The following CYP20A1 variants were observed in gnomAD, a reference collection of about 807,000 sequenced individuals.
CYP20A1 encodes cytochrome P450 family 20 subfamily A member 1, also known as cytochrome P450 20A1.
A neutral mutation model predicts 61.4 loss-of-function variants in CYP20A1; 61 were observed. The observed-to-expected ratio is 0.99, with a 90% CI of 0.81 to 1.23. The LOEUF is 1.23. Among genes scored for constraint, CYP20A1 ranks in the 50% most tolerant of loss-of-function variants. The probability of loss-of-function intolerance (pLI) is 0.00; values close to 1 mark genes in which losing one functional copy is unlikely to be tolerated. For missense variants in CYP20A1, 530 were observed against 542.4 expected (o/e 0.98, Z 0.23); for synonymous variants, 193 against 188.2 (o/e 1.03, Z -0.21).
chr2:203,292,092 C>G (rs72938361), intron 10 of CYP20A1, among the ~76,000 whole-genome samples, 170 bp from the exon 11 acceptor site: 7,480 of 152,130 alleles, frequency 0.049, 248 homozygotes, highest in Non-Finnish European at 0.077. Flanking sequence ...TTAGGGAGGC[C>G]TTCCTCATTG....
At chr2:203,251,186 T>C (rs935276247) in intron 3 of CYP20A1, among the ~76,000 whole-genome samples, 10 of 150,124 alleles carry the variant, frequency 6.7e-5, no homozygotes, top group African/African-American at 2.2e-4. Flanking sequence ...ACAATGACAG[T>C]GTATCTTTGT....
Position 203,285,607 on chromosome 2 carries a change from C to T in CYP20A1, c.851-5C>T, listed in dbSNP as rs1227160129. ...TCATTGTTATTCATATAATGTTTGA[C>T]CTAGTGTGTACCTGGGCAATCTGTT... is the stretch of plus-strand genomic sequence containing the variant. On this transcript the variant is annotated splice_polypyrimidine_tract_variant and splice_region_variant and intron_variant, in intron 8 of 12. Coordinates refer to ENST00000356079, the MANE Select transcript of CYP20A1 (RefSeq NM_177538.3). The T allele has an allele frequency of 6.4e-7, 1 of 1,568,682 alleles. No homozygotes were observed. Among genetic ancestry groups the T allele is most frequent in the Non-Finnish European group, 8.6e-7 (1 of 1,166,368 alleles).
intron 10 of CYP20A1, 74 bp downstream of exon 10, chr2:203,289,950 A>G (rs967022858): frequency 2.3e-5 from 14 of 616,676 alleles, no homozygotes; most frequent in South Asian, 3.6e-5. Flanking sequence ...GTATATATAT[A>G]TATATTTTAG....
chr2:203,242,772 C>CA (rs1418882266), intron 1 of CYP20A1, among the ~76,000 whole-genome samples: 1 of 150,598 alleles, frequency 6.6e-6, no homozygotes, highest in Non-Finnish European at 1.5e-5. Flanking sequence ...GACTGGGTGA[C>CA]AGAGTGAGAC....
Position 203,292,264 on chromosome 2 carries a change from C to G in CYP20A1, c.1086C>G (p.Thr362=), listed in dbSNP as rs2068569416. 1.9e-6 allele frequency: 3 copies of G among 1,609,096 alleles called. No homozygotes were observed. Among genetic ancestry groups the G allele is most frequent in the Admixed American group, 1.7e-5 (1 of 59,592 alleles). Residue 362 remains threonine, a splice_region_variant and synonymous_variant, in exon 11 of 13, where the codon ACC becomes ACG. Transcript: ENST00000356079. ...KIDRFIIPRE[T]LVLYALGVVL... The stretch of plus-strand genomic sequence containing the variant: ...AATTGGATTTTTTTTTTTCACAGAC[C>G]CTCGTCCTTTATGCCCTTGGTGTGG...
In CYP20A1 at chr2:203,272,720, C is replaced by T. The variant is rs2067654519; in HGVS notation, c.651C>T (p.Asn217=). 6.2e-7 allele frequency: 1 copy of T among 1,604,136 alleles called. No individual in the cohort carries two copies. The highest frequency in any genetic ancestry group is 1.3e-5 in the African/African-American group (1 of 74,240). The stretch of plus-strand genomic sequence containing the variant: ...TTCTAGATGGGTCACTTGATAAAAA[C>T]ATGACTCGGAAAAAACAATATGAAG... ...KGFLDGSLDK[N]MTRKKQYEDA... The change falls in exon 6 of 13, where the codon AAC becomes AAT. Residue 217 remains asparagine (N), a synonymous_variant. Coordinates refer to ENST00000356079, the MANE Select transcript of CYP20A1 (RefSeq NM_177538.3).
intron 1 of CYP20A1, among the ~76,000 whole-genome samples, chr2:203,239,375 A>G (rs1279530330): frequency 6.6e-6 from 1 of 151,822 alleles, no homozygotes; most frequent in Non-Finnish European, 1.5e-5. Context: ...GCGGGCGTAG[A>G]GCTGCTGAGG....
At chr2:203,266,392 C>A in intron 4 of CYP20A1, 122 bp from the exon 5 acceptor site, 1 of 802,970 alleles carries the variant, frequency 1.2e-6, no homozygotes. Context: ...CAGATTCGTA[C>A]CTGAATGTTG....
chr2:203,285,896 A>C (rs1441079969), intron 9 of CYP20A1, among the ~76,000 whole-genome samples, 164 bp downstream of exon 9: 2 of 152,188 alleles, frequency 1.3e-5, no homozygotes, highest in Non-Finnish European at 2.9e-5. Context: ...TTAAAATCAT[A>C]AGGTTGTGTG....
chr2:203,271,082 A>ATATATTTTTTT (rs1178482961), intron 5 of CYP20A1, among the ~76,000 whole-genome samples: 1 of 31,632 alleles, frequency 3.2e-5, no homozygotes, highest in Non-Finnish European at 5.8e-5. Flanking sequence ...ATATATATAT[A>ATATATTTTTTT]TTTTTTTTTT....
intron 6 of CYP20A1, 58 bp downstream of exon 6, chr2:203,272,806 ATAAAG>A (rs1199133685): frequency 1.9e-6 from 2 of 1,054,810 alleles, no homozygotes; most frequent in Non-Finnish European, 2.8e-6. Context: ...CCCAGTTTTA[ATAAAG>A]TAATCTCTGA....
intron 9 of CYP20A1, among the ~76,000 whole-genome samples, chr2:203,287,831 G>C (rs1172609889): frequency 6.6e-6 from 1 of 151,960 alleles, no homozygotes; most frequent in African/African-American, 2.4e-5. Flanking sequence ...TTTCAGTTTA[G>C]CTCTACTCAA....
Position 203,246,830 on chromosome 2 carries a change from G to T in CYP20A1, c.198G>T (p.Gly66=). The T allele has an allele frequency of 6.2e-7, 1 of 1,614,120 alleles. No individual in the cohort carries two copies. Among genetic ancestry groups the T allele is most frequent in the Non-Finnish European group, 8.5e-7 (1 of 1,179,998 alleles). The change falls in exon 3 of 13, where the codon GGG becomes GGT. Residue 66 remains glycine (G), a synonymous_variant. Coordinates refer to ENST00000356079, the MANE Select transcript of CYP20A1 (RefSeq NM_177538.3). The part of the protein sequence containing the change: ...EFLVNLHERY[G]PVVSFWFGRR... Reference sequence around the variant, plus strand: ...TGGTTAATTTGCATGAGAGATATGGGCCTGTGGTCTCCTTCTGGTTTGGCA... The same window carrying T: ...TGGTTAATTTGCATGAGAGATATGGTCCTGTGGTCTCCTTCTGGTTTGGCA...
At chr2:203,264,787 T>G (rs1415233049) in intron 4 of CYP20A1, among the ~76,000 whole-genome samples, 1 of 152,152 alleles carries the variant, frequency 6.6e-6, no homozygotes, top group African/African-American at 2.4e-5. Flanking sequence ...TGGAGTGCAG[T>G]GGTGCAATCT....
intron 5 of CYP20A1, among the ~76,000 whole-genome samples, chr2:203,267,122 A>G (rs1018057094): frequency 6.6e-6 from 1 of 152,046 alleles, no homozygotes; most frequent in Non-Finnish European, 1.5e-5. Flanking sequence ...CCATTGCAGC[A>G]CTGCACTCCA....
chr2:203,267,235 A>C (rs2067362323), intron 5 of CYP20A1, among the ~76,000 whole-genome samples: 1 of 152,072 alleles, frequency 6.6e-6, no homozygotes, highest in African/African-American at 2.4e-5. Context: ...GTTGTTGCCT[A>C]TCAAGAACAA....
chr2:203,239,164 CG>C, intron 1 of CYP20A1, 30 bp downstream of exon 1: 1 of 1,584,608 alleles, frequency 6.3e-7, no homozygotes, highest in Non-Finnish European at 8.7e-7. Flanking sequence ...TCTGGGGCCC[CG>C]GGCGCCGCCC....
At chr2:203,259,143 CTCCTACTCATTCAGAGGCA>C (rs1231415264) in intron 4 of CYP20A1, among the ~76,000 whole-genome samples, 2 of 152,056 alleles carry the variant, frequency 1.3e-5, no homozygotes, top group Non-Finnish European at 2.9e-5. Flanking sequence ...TTGTTTTCTC[CTCCTACTCATTCAGAGGCA>C]AATTAAGGTG....
intron 8 of CYP20A1, 93 bp downstream of exon 8, chr2:203,280,206 C>A: frequency 2.1e-6 from 2 of 956,122 alleles, no homozygotes; most frequent in Non-Finnish European, 3.0e-6. Flanking sequence ...CTTGGGGAGG[C>A]TGAGGTGGGA....
Sources: allele counts gnomAD v4.1 joint callset (sites outside exome capture counted in the v4.1 genomes callset), GRCh38; gene constraint gnomAD v4.1.1; transcripts MANE v1.5; gene names NCBI Gene and HGNC (gene_info 2026-07-23, HGNC 2026-07-21).